Variants in RAB27A observed in about 807,000 individuals in gnomAD.
RAB27A encodes ras-related protein Rab-27A.
In RAB27A, 17 loss-of-function variants were observed where a neutral mutation model predicts 20.8. The observed-to-expected ratio is 0.82, with a 90% confidence interval of 0.56 to 1.23. RAB27A has a LOEUF of 1.23. Among genes scored for constraint, RAB27A ranks in the 50% most tolerant of loss-of-function variants. The pLI, the probability that RAB27A is intolerant of heterozygous loss-of-function variation, is 0.00. For missense variants in RAB27A, 277 were observed against 266.7 expected (o/e 1.04, Z -0.27); for synonymous variants, 85 against 92.8 (o/e 0.92, Z 0.48).
intron 2 of RAB27A, among the ~76,000 whole-genome samples, chr15:55,241,136 A>G (rs1369072983): frequency 6.6e-6 from 1 of 152,210 alleles, no homozygotes; most frequent in Non-Finnish European, 1.5e-5. Flanking sequence ...TAGAAGTATA[A>G]GAAAGTACAT....
At chr15:55,283,606 C>T (rs1169593211) in intron 1 of RAB27A, among the ~76,000 whole-genome samples, 2 of 152,202 alleles carry the variant, frequency 1.3e-5, no homozygotes, top group African/African-American at 2.4e-5. Context: ...AGGACTGTTA[C>T]ACCTCTTCAC....
At chr15:55,247,152 A>C (rs1283908171) in intron 2 of RAB27A, among the ~76,000 whole-genome samples, 6 of 152,198 alleles carry the variant, frequency 3.9e-5, no homozygotes, top group Admixed American at 3.9e-4. Flanking sequence ...AAAATGAAAA[A>C]GGAGGAACAA....
Position 55,205,598 on chromosome 15 carries a change from G to C in RAB27A, c.575C>G (p.Ser192Cys), listed in dbSNP as rs780829484. Residue 192 changes from serine to cysteine, a missense_variant, in exon 7 of 7, where the codon TCC (serine) becomes TGC (cysteine). Physicochemically the swap from Ser to Cys is moderately radical, Grantham distance 112 (BLOSUM62 -1). Coordinates refer to ENST00000336787, the MANE Select transcript of RAB27A (RefSeq NM_183235.3). ...MKRMERCVDK[S>C]WIPEGVVRSN... is the part of the protein sequence containing the mutation. ...TCGCACCACTCCTTCAGGAATCCAGGACTTGTCCACACACCGTTCCATTCG... is the reference window on the plus strand; with the variant it reads ...TCGCACCACTCCTTCAGGAATCCAGCACTTGTCCACACACCGTTCCATTCG... 1.1e-5 allele frequency: 17 copies of C among 1,614,072 alleles called. No individual in the cohort carries two copies. In the South Asian group the frequency reaches 1.8e-4, roughly 17 times the overall value.
intron 2 of RAB27A, among the ~76,000 whole-genome samples, chr15:55,306,637 T>C (rs2141144636): frequency 6.6e-6 from 1 of 152,332 alleles, no homozygotes; most frequent in South Asian, 2.1e-4. Flanking sequence ...AATGAGTATT[T>C]GCATGCATGC....
chr15:55,303,802 C>T (rs2054985810), intron 2 of RAB27A, among the ~76,000 whole-genome samples: 2 of 127,146 alleles, frequency 1.6e-5, no homozygotes, highest in African/African-American at 3.3e-5. Flanking sequence ...GGGTCAGCCC[C>T]CCGCCCGGCC....
intron 6 of RAB27A, among the ~76,000 whole-genome samples, chr15:55,214,246 C>T (rs1006723654): frequency 6.6e-6 from 1 of 152,182 alleles, no homozygotes; most frequent in Non-Finnish European, 1.5e-5. Context: ...ACCATCCTGG[C>T]TAACATGGTG....
chr15:55,286,342 G>A (rs1446866286), intron 1 of RAB27A, among the ~76,000 whole-genome samples: 1 of 152,126 alleles, frequency 6.6e-6, no homozygotes, highest in Non-Finnish European at 1.5e-5. Context: ...TGGCCATCCT[G>A]GAGCTTGTCT....
At chr15:55,241,629 T>TATATAC (rs2141009710) in intron 2 of RAB27A, among the ~76,000 whole-genome samples, 1 of 130,706 alleles carries the variant, frequency 7.7e-6, no homozygotes, top group African/African-American at 3.9e-5. Context: ...TATATATGTG[T>TATATAC]GTATATATAT....
At position 55,316,752 on chromosome 15, in the gene RAB27A, A is replaced by C. The variant is rs184027112; in HGVS notation, c.-234+2179T>G. Among the ~76,000 whole-genome samples, 18 of 152,310 alleles carry C rather than the reference A, an allele frequency of 1.2e-4. No homozygotes were observed. In the South Asian group the frequency reaches 1.5e-3, roughly 12 times the overall value. ...TTAATGCAAATTTGCTTAGTGGATT[A>C]AAAAACATCTGTGTCATATCTGCCA... On this transcript the variant is annotated intron_variant, in intron 1 of 5. Coordinates refer to the RAB27A transcript ENST00000563262.
chr15:55,235,085 G>T, intron 2 of RAB27A, 129 bp from the exon 3 acceptor site: 3 of 746,606 alleles, frequency 4.0e-6, no homozygotes, highest in Non-Finnish European at 6.6e-6. Flanking sequence ...TGTATGAAAA[G>T]AGAGTTACAT....
At chr15:55,226,460 T>C (rs1366349212) in intron 5 of RAB27A, among the ~76,000 whole-genome samples, 1 of 152,154 alleles carries the variant, frequency 6.6e-6, no homozygotes, top group African/African-American at 2.4e-5. Flanking sequence ...GTCAGCTACT[T>C]CTTTAATGCA....
rs1045576866 is a variant in RAB27A at position 55,203,887 on chromosome 15, G to A, written c.*1620C>T. The A allele has an allele frequency of 1.3e-5, 2 of 151,790 alleles. No homozygotes were observed. Among genetic ancestry groups the A allele is most frequent in the Admixed American group, 1.3e-4 (2 of 15,248 alleles). 9.4% of individuals were successfully genotyped at this position (151,790 alleles called of 1,614,324 possible). Reference sequence around the variant, plus strand: ...AAGTTTGTTATGGGAGTAGTGGAAGGACAGTGGAAAAAAAAATAGGTTTTT... The same window carrying A: ...AAGTTTGTTATGGGAGTAGTGGAAGAACAGTGGAAAAAAAAATAGGTTTTT... On this transcript the variant is annotated 3_prime_UTR_variant, in exon 7 of 7. Transcript: ENST00000336787.
At chr15:55,260,434 G>A (rs976072669) in intron 2 of RAB27A, among the ~76,000 whole-genome samples, 20 of 152,122 alleles carry the variant, frequency 1.3e-4, no homozygotes, top group African/African-American at 4.3e-4. Context: ...ACATTCTTTG[G>A]TATTTACCCA....
At chr15:55,284,282 A>G (rs1363208101) in intron 1 of RAB27A, among the ~76,000 whole-genome samples, 1 of 152,190 alleles carries the variant, frequency 6.6e-6, no homozygotes, top group African/African-American at 2.4e-5. Flanking sequence ...TGTCATATGT[A>G]TATCTTCCAT....
intron 1 of RAB27A, among the ~76,000 whole-genome samples, chr15:55,271,170 A>G (rs969059823): frequency 1.3e-5 from 2 of 151,860 alleles, no homozygotes; most frequent in Admixed American, 1.3e-4. Flanking sequence ...AGAGTCCATC[A>G]CTCTCCTGTT....
intron 6 of RAB27A, among the ~76,000 whole-genome samples, chr15:55,219,622 G>C (rs1007650904): frequency 6.6e-6 from 1 of 152,166 alleles, no homozygotes; most frequent in Non-Finnish European, 1.5e-5. Context: ...AGATCTAATA[G>C]TGTCTTCCAA....
intron 2 of RAB27A, among the ~76,000 whole-genome samples, chr15:55,258,672 T>G (rs1189709856): frequency 6.6e-6 from 1 of 152,242 alleles, no homozygotes; most frequent in African/African-American, 2.4e-5. Flanking sequence ...CAACATTTGG[T>G]GCTTGTTGTC....
chr15:55,230,327 C>T (rs1895978715), intron 4 of RAB27A, 74 bp downstream of exon 4: 12 of 1,397,808 alleles, frequency 8.6e-6, no homozygotes, highest in Non-Finnish European at 1.2e-5. Flanking sequence ...TTTTCCTGCT[C>T]AGGTCACTGT....
chr15:55,208,406 C>A (rs1044764537), intron 6 of RAB27A, among the ~76,000 whole-genome samples: 13 of 152,168 alleles, frequency 8.5e-5, no homozygotes, highest in Non-Finnish European at 1.5e-5. Flanking sequence ...TATTGTAATG[C>A]ATAATGAACA....
Sources: allele counts gnomAD v4.1 joint callset (sites outside exome capture counted in the v4.1 genomes callset), GRCh38; gene constraint gnomAD v4.1.1; transcripts MANE v1.5; gene names NCBI Gene and HGNC (gene_info 2026-07-23, HGNC 2026-07-21).